NDST4: variants seen among roughly 807,000 people sequenced by gnomAD.
The protein encoded by NDST4 is N-heparan sulfate sulfotransferase 4.
A neutral mutation model predicts 100.8 loss-of-function variants in NDST4; 63 were observed. The observed-to-expected ratio is 0.62, with a 90% CI of 0.51 to 0.77. The LOEUF (loss-of-function observed/expected upper bound fraction) is 0.77. Among genes scored for constraint, NDST4 ranks in the 30% least tolerant of loss-of-function variants. The pLI, the probability that NDST4 is intolerant of heterozygous loss-of-function variation, is 0.00. For missense variants in NDST4, 943 were observed against 1,018.4 expected (o/e 0.93, Z 1.01); for synonymous variants, 377 against 361.8 (o/e 1.04, Z -0.48).
At chr4:114,989,854 G>A (rs1726997499) in intron 2 of NDST4, among the ~76,000 whole-genome samples, 1 of 152,138 alleles carries the variant, frequency 6.6e-6, no homozygotes, top group Non-Finnish European at 1.5e-5. Context: ...AGCATATGAT[G>A]ACTTCTGATT....
At chr4:115,057,059 A>C (rs1728710407) in intron 2 of NDST4, among the ~76,000 whole-genome samples, 2 of 152,136 alleles carry the variant, frequency 1.3e-5, no homozygotes, top group Admixed American at 1.3e-4. Flanking sequence ...AGTTACTTAA[A>C]ACAGGATGAA....
intron 6 of NDST4, among the ~76,000 whole-genome samples, chr4:114,924,018 T>C (rs879645456): frequency 2.0e-5 from 3 of 152,056 alleles, no homozygotes; most frequent in Non-Finnish European, 2.9e-5. Flanking sequence ...TCAGAACCGG[T>C]AGCAAATATT....
At chr4:114,963,079 A>G (rs894465431) in intron 4 of NDST4, among the ~76,000 whole-genome samples, 1 of 152,150 alleles carries the variant, frequency 6.6e-6, no homozygotes, top group Admixed American at 6.5e-5. Context: ...AAATAAAAAC[A>G]TATCTCCACA....
chr4:114,895,912 A>G (rs908739419), intron 6 of NDST4, among the ~76,000 whole-genome samples: 2 of 152,310 alleles, frequency 1.3e-5, no homozygotes, highest in Non-Finnish European at 2.9e-5. Context: ...AATGTAACCC[A>G]TCACATAAAT....
intron 6 of NDST4, among the ~76,000 whole-genome samples, chr4:114,934,639 G>A (rs1213968642): frequency 1.3e-5 from 2 of 151,782 alleles, no homozygotes; most frequent in African/African-American, 4.8e-5. Context: ...CCAGTGGCTG[G>A]GGGAAAGTTC....
In NDST4 at chr4:115,057,735, GACACAC is replaced by G. The variant is rs35061218; in HGVS notation, c.978+18318_978+18323del. ...ACACACACACACACACACACACACAGACACACACACACACACACACACACCAAAAAG... is the reference window on the plus strand; with the variant it reads ...ACACACACACACACACACACACACAGACACACACACACACACACCAAAAAG... On this transcript the variant is annotated intron_variant, in intron 2 of 13. Coordinates refer to ENST00000264363, the MANE Select transcript of NDST4 (RefSeq NM_022569.3). 5.0e-3 allele frequency among the ~76,000 whole-genome samples: 704 copies of G among 141,714 alleles called. 4 individuals carry two copies. The highest frequency in any genetic ancestry group is 0.011 in the Middle Eastern group (3 of 268). The allele number at this position is 141,714 out of a possible 152,430, so 93.0% of individuals were successfully genotyped here.
intron 3 of NDST4, among the ~76,000 whole-genome samples, chr4:114,972,947 G>T (rs972088405): frequency 7.9e-5 from 12 of 151,988 alleles, no homozygotes; most frequent in Non-Finnish European, 1.5e-4. Flanking sequence ...CCTCAAAAAA[G>T]CTGAGAGTAA....
At chr4:115,108,639 G>C (rs942405424) in intron 1 of NDST4, among the ~76,000 whole-genome samples, 1 of 151,720 alleles carries the variant, frequency 6.6e-6, no homozygotes, top group Admixed American at 6.6e-5. Context: ...TAAAAAGGGA[G>C]TGTTGGAAAA....
At position 115,010,453 on chromosome 4, in the gene NDST4, G is replaced by A. The variant is rs531485401; in HGVS notation, c.979-33179C>T. On this transcript the variant is annotated intron_variant, in intron 2 of 13. Transcript: ENST00000264363. The stretch of plus-strand genomic sequence containing the variant: ...TCGCAAGAACAAAAAAACAAACACC[G>A]CATATTCTTACTCATAGGTGGGAAT... Among the ~76,000 whole-genome samples the A allele has an allele frequency of 1.3e-4, 16 of 127,618 alleles. 5 individuals are homozygous for A. The South Asian group carries it at 3.1e-3, about 24-fold the overall frequency. 83.7% of individuals were successfully genotyped at this position (127,618 alleles called of 152,430 possible).
chr4:114,957,455 C>T (rs1726165424), intron 4 of NDST4, among the ~76,000 whole-genome samples: 2 of 152,128 alleles, frequency 1.3e-5, no homozygotes, highest in African/African-American at 4.8e-5. Context: ...TCAATTACCT[C>T]CCACTGGGTT....
At chr4:115,078,425 A>T (rs1024795214) in intron 1 of NDST4, among the ~76,000 whole-genome samples, 4 of 152,222 alleles carry the variant, frequency 2.6e-5, no homozygotes, top group African/African-American at 4.8e-5. Flanking sequence ...CAAGCTAAGG[A>T]GGTCTCAGAT....
At chr4:114,895,722 G>A (rs1385457770) in intron 6 of NDST4, among the ~76,000 whole-genome samples, 1 of 152,086 alleles carries the variant, frequency 6.6e-6, no homozygotes, top group Non-Finnish European at 1.5e-5. Flanking sequence ...GAACATTGAT[G>A]TGAAAATCCT....
intron 4 of NDST4, among the ~76,000 whole-genome samples, chr4:114,954,867 C>T (rs1450706267): frequency 3.3e-5 from 5 of 152,094 alleles, no homozygotes; most frequent in Non-Finnish European, 7.4e-5. Context: ...GAATTCTCTG[C>T]AAATCTGGTT....
chr4:114,949,703 A>G (rs898042644), intron 4 of NDST4, among the ~76,000 whole-genome samples: 2 of 152,088 alleles, frequency 1.3e-5, no homozygotes, highest in African/African-American at 2.4e-5. Flanking sequence ...GCCCCATACT[A>G]TAAGTTGTGC....
rs145844996 is a variant in NDST4 at position 114,835,337 on chromosome 4, A to T, written c.2287-1622T>A. Among the ~76,000 whole-genome samples, 74 of 152,276 alleles carry T rather than the reference A, an allele frequency of 4.9e-4. No individual in the cohort carries two copies. In the East Asian group the frequency reaches 0.014, roughly 29 times the overall value. ...TTGTCTCTTTATTTTCATTTATTTC[A>T]AAGAACTTCTTTATTTCTGCTTTAA... On this transcript the variant is annotated intron_variant, in intron 11 of 13. Transcript: ENST00000264363.
intron 2 of NDST4, among the ~76,000 whole-genome samples, chr4:114,994,480 A>G (rs568517272): frequency 6.6e-6 from 1 of 152,062 alleles, no homozygotes; most frequent in African/African-American, 2.4e-5. Context: ...AGAGTGATCA[A>G]TAAGTGTGTA....
chr4:114,830,018 A>G, intron 12 of NDST4, 126 bp from the exon 13 acceptor site: 1 of 681,388 alleles, frequency 1.5e-6, no homozygotes, highest in Non-Finnish European at 2.5e-6. Context: ...ATTTTTACAG[A>G]TATTTATTTA....
intron 4 of NDST4, among the ~76,000 whole-genome samples, chr4:114,943,579 G>A (rs1383566645): frequency 3.3e-5 from 5 of 151,980 alleles, no homozygotes; most frequent in Admixed American, 6.6e-5. Flanking sequence ...GAGTATCTCT[G>A]CCAATAGAAC....
At chr4:114,911,979 G>A (rs895091062) in intron 6 of NDST4, among the ~76,000 whole-genome samples, 1 of 152,120 alleles carries the variant, frequency 6.6e-6, no homozygotes, top group Non-Finnish European at 1.5e-5. Flanking sequence ...ATTAGGTGCA[G>A]ACAGATGTAG....
Sources: allele counts gnomAD v4.1 joint callset (sites outside exome capture counted in the v4.1 genomes callset), GRCh38; gene constraint gnomAD v4.1.1; transcripts MANE v1.5; gene names NCBI Gene and HGNC (gene_info 2026-07-23, HGNC 2026-07-21).